The following NFE2L2 variants were observed in gnomAD, a reference collection of about 807,000 sequenced individuals.
NFE2L2 encodes nuclear factor erythroid 2-related factor 2.
Under a neutral mutation model 49.6 loss-of-function variants are expected in NFE2L2, and 20 were observed. That is an observed-to-expected ratio of 0.40 (90% CI 0.28 to 0.59). The LOEUF (loss-of-function observed/expected upper bound fraction) is 0.59, where lower values mean the gene tolerates loss of function less well. NFE2L2 is among the 20% of genes least tolerant of loss of function. The pLI, the probability that NFE2L2 is intolerant of heterozygous loss-of-function variation, is 0.40. For synonymous variants in NFE2L2, 244 were observed against 256.5 expected (o/e 0.95, Z 0.47); for missense variants, 578 against 714.2 (o/e 0.81, Z 2.17).
chr2:177,255,748 A>G (rs1272855571), intron 1 of NFE2L2, among the ~76,000 whole-genome samples: 1 of 151,712 alleles, frequency 6.6e-6, no homozygotes, highest in African/African-American at 2.4e-5. Flanking sequence ...TTTTGAGGAG[A>G]CAGTGTCTCA....
rs1207961473 is a variant in NFE2L2, at chr2:177,231,361, G to A, written c.1242C>T (p.Ser414=). ...VQPLSPSQGQ[S]THVHDAQCEN... The stretch of plus-strand genomic sequence containing the variant: ...CACATTGGGCATCATGCACGTGAGT[G>A]CTCTGCCCCTGAGATGGTGACAAGG... Residue 414 remains serine, a synonymous_variant, in exon 5 of 5, where the codon AGC becomes AGT. Coordinates refer to ENST00000397062, the MANE Select transcript of NFE2L2 (RefSeq NM_006164.5). 1.2e-6 allele frequency: 2 copies of A among 1,614,138 alleles called. No homozygotes were observed. The highest frequency in any genetic ancestry group is 2.7e-5 in the African/African-American group (2 of 74,954).
intron 1 of NFE2L2, among the ~76,000 whole-genome samples, chr2:177,247,397 C>G (rs1276013095): frequency 6.6e-6 from 1 of 152,126 alleles, no homozygotes; most frequent in African/African-American, 2.4e-5. Context: ...CGCCGTGGCT[C>G]AAGCCTGTAA....
chr2:177,264,536 T>C lies in NFE2L2; in HGVS notation c.41A>G (p.Gln14Arg), dbSNP rs548183899. The C allele has an allele frequency of 1.6e-5, 24 of 1,524,164 alleles. No individual in the cohort carries two copies. The African/African-American group carries it at 3.0e-4, about 19-fold the overall frequency. The allele number at this position is 1,524,164 out of a possible 1,614,324, so 94.4% of individuals were successfully genotyped here. ...CCCAGAGGGCCGAGGCAGCACCTGC[T>C]GGGACGGGAGTCCCGGCGGCGGCAG... is the stretch of plus-strand genomic sequence containing the variant. ...LELPPPGLPS[Q>R]QDMDLIDILW... The change falls in exon 1 of 5, where the codon CAG (glutamine) becomes CGG (arginine). Residue 14 changes from glutamine to arginine, a missense_variant. Coordinates refer to ENST00000397062, the MANE Select transcript of NFE2L2 (RefSeq NM_006164.5).
At chr2:177,245,028 T>C (rs1005227810) in intron 1 of NFE2L2, among the ~76,000 whole-genome samples, 1 of 107,234 alleles carries the variant, frequency 9.3e-6, no homozygotes, top group East Asian at 2.9e-4. Context: ...AAAAAAAAAG[T>C]AAATACATCT....
At chr2:177,240,145 C>A (rs750703581) in intron 1 of NFE2L2, among the ~76,000 whole-genome samples, 2 of 152,122 alleles carry the variant, frequency 1.3e-5, no homozygotes, top group Non-Finnish European at 2.9e-5. Flanking sequence ...AGGAAATAAT[C>A]GTCTGGGTGG....
chr2:177,234,121 G>A lies in NFE2L2; in HGVS notation c.196C>T (p.Gln66Ter), dbSNP rs760905614. 2 of 1,614,114 alleles carry A rather than the reference G, an allele frequency of 1.2e-6. No individual in the cohort carries two copies. The highest frequency in any genetic ancestry group is 2.2e-5 in the East Asian group (1 of 44,882). ...KERQEQLQKE[Q>*]EKAFFAQLQL... ...AACTGAGCGAAAAAGGCTTTCTCTT[G>A]CTCCTTTTGGAGTTGTTCTTGTCTT... Residue 66 changes from glutamine to a stop codon, truncating the protein, a stop_gained, in exon 2 of 5, where the codon CAA (glutamine) becomes TAA (stop). Coordinates refer to ENST00000397062, the MANE Select transcript of NFE2L2 (RefSeq NM_006164.5). LOFTEE classifies it high-confidence loss of function.
chr2:177,242,914 T>C (rs931620523), intron 1 of NFE2L2, among the ~76,000 whole-genome samples: 6 of 152,102 alleles, frequency 3.9e-5, no homozygotes, highest in African/African-American at 1.4e-4. Context: ...TTTTTTGTTT[T>C]TTTTTTGGTG....
At chr2:177,232,689 T>C in intron 3 of NFE2L2, 106 bp from the exon 4 acceptor site, 1 of 1,105,836 alleles carries the variant, frequency 9.0e-7, no homozygotes, top group Non-Finnish European at 1.3e-6. Context: ...GTTCTGTGTC[T>C]CTCTACTTAC....
At position 177,234,227 on chromosome 2, in the gene NFE2L2, A is replaced by G. The variant is rs770501791; in HGVS notation, c.90T>C (p.Leu30=). 6 of 1,613,582 alleles carry G rather than the reference A, an allele frequency of 3.7e-6. No homozygotes were observed. Among genetic ancestry groups the G allele is most frequent in the Non-Finnish European group, 5.1e-6 (6 of 1,180,004 alleles). ...IDILWRQDID[L]GVSREVFDFS... ...AGTCAAATACTTCTCGACTTACTCC[A>G]AGATCTATATCTTGCCTCCAAAGTA... is the stretch of plus-strand genomic sequence containing the variant. Residue 30 remains leucine (L), a synonymous_variant, in exon 2 of 5, where the codon CTT becomes CTC. Coordinates refer to ENST00000397062, the MANE Select transcript of NFE2L2 (RefSeq NM_006164.5).
chr2:177,258,811 AT>A (rs1690622919), intron 1 of NFE2L2, among the ~76,000 whole-genome samples: 1 of 152,148 alleles, frequency 6.6e-6, no homozygotes, highest in African/African-American at 2.4e-5. Flanking sequence ...TTTCTTACTC[AT>A]TTTTCTTCTC....
intron 1 of NFE2L2, among the ~76,000 whole-genome samples, chr2:177,237,014 G>A (rs1205072751): frequency 1.3e-5 from 2 of 152,072 alleles, no homozygotes; most frequent in African/African-American, 4.8e-5. Flanking sequence ...ACAGGCACAT[G>A]CCACCAAGCC....
chr2:177,264,399 C>G lies in NFE2L2; in HGVS notation c.45+133G>C, dbSNP rs911423763. ...CCCCGGCGCAAGCGCGGCGGCTCTA[C>G]CCAGCGCCGCGGTCCTGGCTCTGGC... On this transcript the variant is annotated intron_variant, in intron 1 of 4. Coordinates refer to ENST00000397062, the MANE Select transcript of NFE2L2 (RefSeq NM_006164.5). The G allele has an allele frequency of 6.5e-6, 6 of 923,532 alleles. No individual in the cohort carries two copies. In the Admixed American group the frequency reaches 2.3e-4, roughly 35 times the overall value. 57.2% of individuals were successfully genotyped at this position (923,532 alleles called of 1,614,324 possible).
chr2:177,240,693 A>G (rs1265462680), intron 1 of NFE2L2, among the ~76,000 whole-genome samples: 1 of 152,220 alleles, frequency 6.6e-6, no homozygotes, highest in South Asian at 2.1e-4. Context: ...AAGTTGGACA[A>G]TTAACTCATA....
Position 177,232,498 on chromosome 2 carries a change from T to A in NFE2L2, c.488A>T (p.Gln163Leu). 1 of 1,614,130 alleles carries A rather than the reference T, an allele frequency of 6.2e-7. No homozygotes were observed. The highest frequency in any genetic ancestry group is 8.5e-7 in the Non-Finnish European group (1 of 1,179,986). The change falls in exon 4 of 5, where the codon CAG (glutamine) becomes CTG (leucine). Residue 163 changes from glutamine to leucine, a missense_variant. This residue lies in a region of NFE2L2 where 368 missense variants were observed against 384.6 expected (regional missense o/e 0.96). Coordinates refer to ENST00000397062, the MANE Select transcript of NFE2L2 (RefSeq NM_006164.5). ...SPVFIATNQAQSPETSVAQVA... is the reference protein window; with the variant it reads ...SPVFIATNQALSPETSVAQVA... ...CTGAGCAACAGAAGTTTCAGGTGAC[T>A]GAGCCTGATTAGTAGCAATGAAGAC... is the stretch of plus-strand genomic sequence containing the variant.
chr2:177,246,440 C>G (rs1690133895), intron 1 of NFE2L2, among the ~76,000 whole-genome samples: 1 of 152,080 alleles, frequency 6.6e-6, no homozygotes. Flanking sequence ...TTCCCAGTTA[C>G]CCTCCTCCAA....
intron 1 of NFE2L2, among the ~76,000 whole-genome samples, chr2:177,256,764 A>G (rs1690542051): frequency 6.6e-6 from 1 of 152,224 alleles, no homozygotes; most frequent in Non-Finnish European, 1.5e-5. Flanking sequence ...CAAAGGGGCA[A>G]CGGTCAAAGA....
intron 1 of NFE2L2, among the ~76,000 whole-genome samples, chr2:177,262,361 A>G (rs34009885): frequency 0.3 from 45,682 of 152,096 alleles, 7,574 homozygotes; most frequent in East Asian, 0.52. Context: ...CCTTCCACCT[A>G]ATGGAGATAC....
chr2:177,250,288 A>C lies in NFE2L2; in HGVS notation c.45+14244T>G, dbSNP rs140078582. ...GGGAGGGTACTACCTGTTCCAACTA[A>C]GGATATAAATTAACCCGGAGTTCAG... On this transcript the variant is annotated intron_variant, in intron 1 of 4. Transcript: ENST00000397062. 5.2e-4 allele frequency among the ~76,000 whole-genome samples: 79 copies of C among 152,338 alleles called. 1 individual carries two copies. The East Asian group carries it at 0.013, about 25-fold the overall frequency.
At chr2:177,242,538 C>A (rs1459637442) in intron 1 of NFE2L2, among the ~76,000 whole-genome samples, 1 of 152,158 alleles carries the variant, frequency 6.6e-6, no homozygotes, top group Non-Finnish European at 1.5e-5. Context: ...GAAAGTGGTC[C>A]GGTTTCTTCA....
Sources: allele counts gnomAD v4.1 joint callset (sites outside exome capture counted in the v4.1 genomes callset), GRCh38; gene constraint gnomAD v4.1.1; regional missense constraint gnomAD v4.1.1; transcripts MANE v1.5; gene names NCBI Gene and HGNC (gene_info 2026-07-23, HGNC 2026-07-21).